The following ASAP1 variants were observed in gnomAD, a reference collection of about 807,000 sequenced individuals.
ASAP1 encodes ArfGAP with SH3 domain, ankyrin repeat and PH domain 1.
In ASAP1, 43 loss-of-function variants were observed where a neutral mutation model predicts 145.2. The ratio of observed to expected loss-of-function variants is 0.30; its 90% CI spans 0.23 to 0.38. ASAP1 has a LOEUF of 0.38. ASAP1 is among the 10% of genes least tolerant of loss of function. ASAP1 has a pLI of 1.00. For missense variants in ASAP1, 1,018 were observed against 1,355.3 expected, an observed-to-expected ratio of 0.75 and a Z score of 3.91; for synonymous variants, 546 against 515.5, an observed-to-expected ratio of 1.06 and a Z score of -0.80.
intron 1 of ASAP1, among the ~76,000 whole-genome samples, chr8:130,417,977 G>C (rs73711700): frequency 0.041 from 6,232 of 152,250 alleles, 433 homozygotes; most frequent in African/African-American, 0.14. Flanking sequence ...GGACTAGCCA[G>C]GTATTGCTTA....
At chr8:130,263,847 GA>G (rs1820086174) in intron 3 of ASAP1, among the ~76,000 whole-genome samples, 2 of 152,202 alleles carry the variant, frequency 1.3e-5, no homozygotes, top group Admixed American at 6.5e-5. Flanking sequence ...AATTTGCCTT[GA>G]AAAGTGGGCA....
chr8:130,220,613 G>C (rs1399767675), intron 4 of ASAP1, among the ~76,000 whole-genome samples: 1 of 152,202 alleles, frequency 6.6e-6, no homozygotes, highest in East Asian at 1.9e-4. Context: ...GAGGTGGGCA[G>C]ATGGCTTGAG....
intron 24 of ASAP1, among the ~76,000 whole-genome samples, chr8:130,092,863 T>C (rs1056804034): frequency 1.3e-5 from 2 of 150,262 alleles, no homozygotes; most frequent in African/African-American, 2.4e-5. Flanking sequence ...AGCTGAAACA[T>C]GAAATGATTC....
intron 1 of ASAP1, among the ~76,000 whole-genome samples, chr8:130,409,033 G>A (rs1445158521): frequency 2.6e-5 from 4 of 152,052 alleles, no homozygotes; most frequent in South Asian, 2.1e-4. Flanking sequence ...AGGCCAAGGC[G>A]GGTGGATTAC....
chr8:130,110,629 T>C (rs1017555287), intron 24 of ASAP1, among the ~76,000 whole-genome samples: 11 of 152,362 alleles, frequency 7.2e-5, no homozygotes, highest in African/African-American at 2.4e-4. Context: ...TTGGCTTACA[T>C]GCACTATTAC....
intron 25 of ASAP1, among the ~76,000 whole-genome samples, chr8:130,090,992 G>A (rs761270916): frequency 2.0e-5 from 3 of 152,212 alleles, no homozygotes; most frequent in Non-Finnish European, 2.9e-5. Flanking sequence ...TCTGTCACGG[G>A]CCAAGACCCT....
chr8:130,064,042 A>G (rs1430624117), intron 27 of ASAP1, among the ~76,000 whole-genome samples: 1 of 152,178 alleles, frequency 6.6e-6, no homozygotes, highest in Non-Finnish European at 1.5e-5. Flanking sequence ...GAGTGCGTCA[A>G]AAATGTGCAG....
chr8:130,137,147 C>T (rs1036469894), intron 13 of ASAP1, 109 bp from the exon 14 acceptor site: 2 of 859,368 alleles, frequency 2.3e-6, no homozygotes, highest in East Asian at 2.5e-5. Flanking sequence ...CTCAGTGGTA[C>T]AAAAATACAT....
chr8:130,430,051 G>C, intron 1 of ASAP1, among the ~76,000 whole-genome samples: 1 of 152,178 alleles, frequency 6.6e-6, no homozygotes, highest in East Asian at 1.9e-4. Context: ...CTGAGACTAA[G>C]TCTTAGCTTC....
intron 3 of ASAP1, among the ~76,000 whole-genome samples, chr8:130,269,350 C>T (rs748343859): frequency 2.6e-5 from 4 of 152,172 alleles, no homozygotes; most frequent in Non-Finnish European, 5.9e-5. Flanking sequence ...AGTAAAATAG[C>T]CATTCTGTGA....
At chr8:130,265,657 T>C (rs1242976661) in intron 3 of ASAP1, among the ~76,000 whole-genome samples, 1 of 151,424 alleles carries the variant, frequency 6.6e-6, no homozygotes. Context: ...GGCAGACTGC[T>C]AGAGCCCAGG....
intron 3 of ASAP1, among the ~76,000 whole-genome samples, chr8:130,290,515 C>A (rs1254722841): frequency 1.3e-5 from 2 of 152,208 alleles, no homozygotes; most frequent in Non-Finnish European, 2.9e-5. Flanking sequence ...TGACCCTGAA[C>A]CAGGGCTATT....
rs73427430 is a variant in ASAP1, at chr8:130,430,747, G to A, written c.-28+12713C>T. ...GGGCTGGACTGCAGACACTGGGAAG[G>A]TGTATTCAGAATTGGTTTGGGTTGG... On this transcript the variant is annotated intron_variant, in intron 1 of 29. Coordinates refer to ENST00000518721, the MANE Select transcript of ASAP1 (RefSeq NM_018482.4). Among the ~76,000 whole-genome samples, 867 of 152,300 alleles carry A rather than the reference G, an allele frequency of 5.7e-3. 8 individuals carry two copies. The highest frequency in any genetic ancestry group is 0.02 in the African/African-American group (838 of 41,552).
In ASAP1 at chr8:130,289,148, G is replaced by A. The variant is rs1414325142; in HGVS notation, c.187-52154C>T. 3.3e-5 allele frequency among the ~76,000 whole-genome samples: 5 copies of A among 151,980 alleles called. No individual in the cohort carries two copies. The South Asian group carries it at 6.2e-4, about 19-fold the overall frequency. ...TTGCAGTGAGCCAAGTTGGTGCCAC[G>A]GCACTCCAGCCTGGGCGACAGAGCA... On this transcript the variant is annotated intron_variant, in intron 3 of 29. Coordinates refer to ENST00000518721, the MANE Select transcript of ASAP1 (RefSeq NM_018482.4).
rs1826727531 is a variant in ASAP1, at chr8:130,361,873, A to G, written c.60-3730T>C. ...ACCATCCTCCCCAAAGCCAGGAAAA[A>G]TGTGCGCACACACATATTTGTGTGC... On this transcript the variant is annotated intron_variant, in intron 2 of 29. Coordinates refer to ENST00000518721, the MANE Select transcript of ASAP1 (RefSeq NM_018482.4). 3 of 780,576 alleles carry G rather than the reference A, an allele frequency of 3.8e-6. No individual in the cohort carries two copies. The East Asian group carries it at 8.0e-5, about 21-fold the overall frequency. 48.4% of individuals were successfully genotyped at this position (780,576 alleles called of 1,614,324 possible).
Position 130,079,887 on chromosome 8 carries a change from G to C in ASAP1, c.2642+15C>G. 1.9e-6 allele frequency: 3 copies of C among 1,611,580 alleles called. No homozygotes were observed. The highest frequency in any genetic ancestry group is 2.5e-6 in the Non-Finnish European group (3 of 1,177,688). On this transcript the variant is annotated intron_variant, in intron 26 of 29. Transcript: ENST00000518721. Reference sequence around the variant, plus strand: ...ATGGATCCAACAGGGGAAATGAAGCGCTGAGATGGCTTACCTCGACTGCTG... The same window carrying C: ...ATGGATCCAACAGGGGAAATGAAGCCCTGAGATGGCTTACCTCGACTGCTG...
At chr8:130,333,559 G>A (rs548840392) in intron 3 of ASAP1, among the ~76,000 whole-genome samples, 26 of 152,286 alleles carry the variant, frequency 1.7e-4, no homozygotes, top group Admixed American at 3.3e-4. Flanking sequence ...AGCCAAGATC[G>A]TGCCATTGCA....
At chr8:130,298,314 C>A (rs1822414253) in intron 3 of ASAP1, among the ~76,000 whole-genome samples, 1 of 152,160 alleles carries the variant, frequency 6.6e-6, no homozygotes, top group Non-Finnish European at 1.5e-5. Flanking sequence ...GATGAAGACT[C>A]CAAATGGCAG....
chr8:130,341,807 A>G (rs901489209), intron 3 of ASAP1, among the ~76,000 whole-genome samples: 4 of 152,224 alleles, frequency 2.6e-5, no homozygotes, highest in African/African-American at 9.6e-5. Flanking sequence ...AAACAGGAAA[A>G]GCATTTATTT....
Sources: allele counts gnomAD v4.1 joint callset (sites outside exome capture counted in the v4.1 genomes callset), GRCh38; gene constraint gnomAD v4.1.1; transcripts MANE v1.5; gene names NCBI Gene and HGNC (gene_info 2026-07-23, HGNC 2026-07-21).